The following GSK3B variants were observed in gnomAD, a reference collection of about 807,000 sequenced individuals.
GSK3B encodes glycogen synthase kinase-3 beta.
In GSK3B, 15 loss-of-function variants were observed where a neutral mutation model predicts 56.4. That is an observed-to-expected ratio of 0.27 (90% confidence interval 0.18 to 0.41). The LOEUF (loss-of-function observed/expected upper bound fraction) is 0.41. Among genes scored for constraint, GSK3B ranks in the 10% least tolerant of loss-of-function variants. GSK3B has a pLI of 1.00. For synonymous variants in GSK3B, 181 were observed against 188.9 expected (o/e 0.96, Z 0.34); for missense variants, 300 against 513.4 (o/e 0.58, Z 4.02).
At chr3:119,845,072 C>T (rs2055836671) in intron 9 of GSK3B, among the ~76,000 whole-genome samples, 1 of 152,220 alleles carries the variant, frequency 6.6e-6, no homozygotes, top group African/African-American at 2.4e-5. Context: ...ACATGATTAT[C>T]TCAATAGATG....
At chr3:120,014,981 T>C (rs759053077) in intron 1 of GSK3B, among the ~76,000 whole-genome samples, 3 of 152,174 alleles carry the variant, frequency 2.0e-5, no homozygotes, top group Non-Finnish European at 4.4e-5. Flanking sequence ...CATCCCCTTC[T>C]TTAAAAAGAA....
chr3:120,086,765 AG>A (rs1157546898), intron 1 of GSK3B, among the ~76,000 whole-genome samples: 1 of 152,054 alleles, frequency 6.6e-6, no homozygotes, highest in East Asian at 1.9e-4. Flanking sequence ...ACTGCACTCC[AG>A]GCTAGGCATA....
At chr3:119,857,481 G>GT (rs1553725100) in intron 9 of GSK3B, among the ~76,000 whole-genome samples, 2 of 152,134 alleles carry the variant, frequency 1.3e-5, no homozygotes, top group Non-Finnish European at 2.9e-5. Context: ...TCCATAAGAA[G>GT]TAACTCCTCA....
chr3:119,847,618 A>G (rs1461476149), intron 9 of GSK3B, among the ~76,000 whole-genome samples: 3 of 152,260 alleles, frequency 2.0e-5, no homozygotes, highest in African/African-American at 7.2e-5. Context: ...ACTGTGATAT[A>G]TAACAAAGGC....
In GSK3B at chr3:119,939,060, G is replaced by T. The variant is rs1162842328; in HGVS notation, c.366+8208C>A. Among the ~76,000 whole-genome samples the T allele has an allele frequency of 2.0e-5, 3 of 151,748 alleles. 1 individual carries two copies. The highest frequency in any genetic ancestry group is 7.3e-5 in the African/African-American group (3 of 41,310). Reference sequence around the variant, plus strand: ...ATGTGCAAGATATTCCAAGGAGAGAGAAGCTTTTGGGGCTAAAAGGGGGGC... The same window carrying T: ...ATGTGCAAGATATTCCAAGGAGAGATAAGCTTTTGGGGCTAAAAGGGGGGC... On this transcript the variant is annotated intron_variant, in intron 3 of 10. Transcript: ENST00000264235.
At chr3:120,092,547 C>T (rs2107589584) in intron 1 of GSK3B, among the ~76,000 whole-genome samples, 1 of 152,246 alleles carries the variant, frequency 6.6e-6, no homozygotes, top group Non-Finnish European at 1.5e-5. Flanking sequence ...GGCACTATGA[C>T]AAAACAAATC....
chr3:120,003,557 T>C (rs1391950023), intron 1 of GSK3B, among the ~76,000 whole-genome samples: 1 of 152,210 alleles, frequency 6.6e-6, no homozygotes, highest in African/African-American at 2.4e-5. Flanking sequence ...ACTAACTGAA[T>C]TCCAATTAAC....
chr3:119,930,079 C>CCACACACA (rs1175484858), intron 3 of GSK3B, among the ~76,000 whole-genome samples: 6 of 57,590 alleles, frequency 1.0e-4, no homozygotes, highest in Admixed American at 2.0e-4. Context: ...ATTCTGTCTC[C>CCACACACA]TACACACACA....
chr3:120,022,870 CCT>C (rs1278267947), intron 1 of GSK3B, among the ~76,000 whole-genome samples: 4 of 152,198 alleles, frequency 2.6e-5, no homozygotes, highest in African/African-American at 9.6e-5. Flanking sequence ...TGAGACTAAT[CCT>C]CTTATTGGTG....
chr3:119,938,226 G>A (rs2057014675), intron 3 of GSK3B, among the ~76,000 whole-genome samples: 1 of 151,850 alleles, frequency 6.6e-6, no homozygotes, highest in South Asian at 2.1e-4. Context: ...ATCTTTCTAA[G>A]ACTCTTCTAA....
intron 2 of GSK3B, among the ~76,000 whole-genome samples, chr3:119,966,924 ATGAATGT>A (rs2057323358): frequency 2.0e-5 from 3 of 152,214 alleles, no homozygotes. Context: ...AATTTAACAA[ATGAATGT>A]AAGACTTATA....
chr3:119,878,263 CTT>C (rs1007686381), intron 7 of GSK3B, among the ~76,000 whole-genome samples: 2 of 151,966 alleles, frequency 1.3e-5, no homozygotes, highest in African/African-American at 4.8e-5. Flanking sequence ...ATAAAGAACT[CTT>C]ATAATTCAAA....
intron 10 of GSK3B, among the ~76,000 whole-genome samples, chr3:119,838,322 T>C: frequency 6.6e-6 from 1 of 152,040 alleles, no homozygotes. Context: ...TAGGAATTGA[T>C]AGTAGTATGG....
At chr3:119,979,062 A>G (rs2057436303) in intron 2 of GSK3B, among the ~76,000 whole-genome samples, 3 of 152,068 alleles carry the variant, frequency 2.0e-5, no homozygotes, top group African/African-American at 7.2e-5. Context: ...CTCCTTCATG[A>G]CCTCGCCAAA....
intron 1 of GSK3B, among the ~76,000 whole-genome samples, chr3:120,049,475 T>G (rs2058129639): frequency 6.6e-6 from 1 of 152,154 alleles, no homozygotes; most frequent in African/African-American, 2.4e-5. Flanking sequence ...AGCATCTGTA[T>G]TAGATGTTGA....
intron 1 of GSK3B, among the ~76,000 whole-genome samples, chr3:120,074,381 C>T (rs1317706122): frequency 1.4e-5 from 2 of 144,352 alleles, no homozygotes; most frequent in East Asian, 2.0e-4. Flanking sequence ...AGACAGAGTT[C>T]CACTCTGTCA....
chr3:119,864,452 A>C (rs1402256728), intron 8 of GSK3B, among the ~76,000 whole-genome samples: 1 of 152,250 alleles, frequency 6.6e-6, no homozygotes, highest in African/African-American at 2.4e-5. Context: ...CTACAGAATA[A>C]AAATAAAAAG....
chr3:119,834,445 G>A (rs991510614), intron 10 of GSK3B, among the ~76,000 whole-genome samples: 3 of 152,132 alleles, frequency 2.0e-5, no homozygotes, highest in East Asian at 1.9e-4. Flanking sequence ...AGTAAAATTC[G>A]GATGCCTGTG....
intron 2 of GSK3B, among the ~76,000 whole-genome samples, chr3:120,001,610 G>C (rs2057677819): frequency 6.6e-6 from 1 of 152,052 alleles, no homozygotes; most frequent in East Asian, 1.9e-4. Context: ...CCTTTATAGA[G>C]ATGCAAAAAC....
Sources: allele counts gnomAD v4.1 joint callset (sites outside exome capture counted in the v4.1 genomes callset), GRCh38; gene constraint gnomAD v4.1.1; transcripts MANE v1.5; gene names NCBI Gene and HGNC (gene_info 2026-07-23, HGNC 2026-07-21).